FRAS1: variants seen among roughly 807,000 people sequenced by gnomAD.
FRAS1 encodes Fraser extracellular matrix complex subunit 1.
A neutral mutation model predicts 435.2 loss-of-function variants in FRAS1; 290 were observed. The ratio of observed to expected loss-of-function variants is 0.67; its 90% confidence interval spans 0.61 to 0.73. The LOEUF (loss-of-function observed/expected upper bound fraction) is 0.73, where lower values mean the gene tolerates loss of function less well. Ranked by LOEUF, FRAS1 falls within the 30% of genes least tolerant of loss-of-function variation. FRAS1 has a pLI of 0.00. For missense variants in FRAS1, 4,860 were observed against 5,001.5 expected, an observed-to-expected ratio of 0.97 and a Z score of 0.85; for synonymous variants, 1,800 against 1,851.0, an observed-to-expected ratio of 0.97 and a Z score of 0.71.
intron 18 of FRAS1, among the ~76,000 whole-genome samples, chr4:78,332,753 C>G (rs1578257982): frequency 1.3e-5 from 2 of 152,206 alleles, no homozygotes; most frequent in South Asian, 2.1e-4. Flanking sequence ...GCTTGGGTGT[C>G]TGTTGTAGCA....
At chr4:78,504,536 T>C (rs1720774602) in intron 61 of FRAS1, among the ~76,000 whole-genome samples, 12 of 152,218 alleles carry the variant, frequency 7.9e-5, no homozygotes, top group Admixed American at 7.2e-4. Context: ...AGACTAGGAT[T>C]GCAACCCCTG....
At chr4:78,260,686 A>G (rs200925363) in intron 6 of FRAS1, among the ~76,000 whole-genome samples, 2 of 151,826 alleles carry the variant, frequency 1.3e-5, no homozygotes, top group African/African-American at 2.4e-5. Flanking sequence ...CTAACTGAAT[A>G]CCCTTTATTT....
intron 2 of FRAS1, among the ~76,000 whole-genome samples, chr4:78,196,284 G>A (rs760354587): frequency 6.6e-6 from 1 of 152,156 alleles, no homozygotes; most frequent in African/African-American, 2.4e-5. Flanking sequence ...TGGGGTTACA[G>A]GTGTGATCCA....
intron 2 of FRAS1, among the ~76,000 whole-genome samples, chr4:78,155,515 G>T (rs937395405): frequency 6.6e-6 from 1 of 152,150 alleles, no homozygotes; most frequent in African/African-American, 2.4e-5. Flanking sequence ...TTATTTTTTA[G>T]AACTATTATT....
At chr4:78,098,133 T>C (rs1477357708) in intron 2 of FRAS1, among the ~76,000 whole-genome samples, 1 of 152,228 alleles carries the variant, frequency 6.6e-6, no homozygotes, top group Admixed American at 6.5e-5. Flanking sequence ...GCTGGCTTTA[T>C]GTTAAAAATG....
chr4:78,296,946 T>C (rs1350709811), intron 14 of FRAS1, among the ~76,000 whole-genome samples: 1 of 152,184 alleles, frequency 6.6e-6, no homozygotes, highest in Non-Finnish European at 1.5e-5. Flanking sequence ...TTATTTCCAC[T>C]TTACAAATTA....
intron 26 of FRAS1, chr4:78,379,142 T>C (rs1331171027): frequency 6.5e-6 from 1 of 152,714 alleles, no homozygotes; most frequent in Non-Finnish European, 1.5e-5. Flanking sequence ...TAAGAAAAGG[T>C]TGGCACACGG....
chr4:78,392,767 C>T (rs978524375), intron 29 of FRAS1, among the ~76,000 whole-genome samples: 8 of 151,576 alleles, frequency 5.3e-5, no homozygotes, highest in African/African-American at 1.7e-4. Flanking sequence ...ATTTCTTGAA[C>T]TGGCAGGGAT....
At position 78,537,122 on chromosome 4, in the gene FRAS1, G is replaced by T. The variant is rs182887871; in HGVS notation, c.11220G>T (p.Thr3740=). 3.1e-6 allele frequency: 5 copies of T among 1,613,822 alleles called. No individual in the cohort carries two copies. The highest frequency in any genetic ancestry group is 1.7e-5 in the Admixed American group (1 of 59,998). ...GTTATGTGCCTTTCTTTGATCCCAC[G>T]GGGACAATCTACAATGAAGGGCCCC... ...KDGYVPFFDP[T]GTIYNEGPQY... Residue 3740 remains threonine, a synonymous_variant, in exon 72 of 74, where the codon ACG becomes ACT. Transcript: ENST00000512123.
rs1324373633 is a variant in FRAS1 at position 78,448,053 on chromosome 4, G to C, written c.6011G>C (p.Gly2004Ala). The C allele has an allele frequency of 6.2e-7, 1 of 1,605,384 alleles. No homozygotes were observed. Among genetic ancestry groups the C allele is most frequent in the East Asian group, 2.2e-5 (1 of 44,790 alleles). The change falls in exon 44 of 74, where the codon GGT becomes GCT. Residue 2004 changes from glycine (G) to alanine (A), a missense_variant and splice_region_variant. By Grantham distance (60) the Gly-to-Ala change is moderately conservative (BLOSUM62 0). Coordinates refer to ENST00000512123, the MANE Select transcript of FRAS1 (RefSeq NM_025074.7). ...TGCTTTTCTTTACCTCTTCCCTCAGGTCATGTACTCTGGAGGCAAACTGCT... is the reference window on the plus strand; with the variant it reads ...TGCTTTTCTTTACCTCTTCCCTCAGCTCATGTACTCTGGAGGCAAACTGCT... Reference protein sequence around the residue: ...IFVLTKKPDHGHVLWRQTASE... With the variant: ...IFVLTKKPDHAHVLWRQTASE...
In FRAS1 at chr4:78,261,564, T is replaced by C. The variant is rs200508118; in HGVS notation, c.604-3461T>C. ...GAAGCTTAGGAAGCATTTTCAGATC[T>C]TTCCCTAAAGCAGGTTTTAAGACTC... On this transcript the variant is annotated intron_variant, in intron 6 of 73. Transcript: ENST00000512123. 3.3e-5 allele frequency among the ~76,000 whole-genome samples: 5 copies of C among 152,288 alleles called. No homozygotes were observed. The East Asian group carries it at 9.6e-4, about 29-fold the overall frequency.
intron 2 of FRAS1, among the ~76,000 whole-genome samples, chr4:78,104,199 G>A (rs1313890895): frequency 1.3e-5 from 2 of 152,200 alleles, no homozygotes; most frequent in African/African-American, 4.8e-5. Flanking sequence ...AAATAAATCT[G>A]AACAGGAACT....
intron 2 of FRAS1, among the ~76,000 whole-genome samples, chr4:78,128,617 T>G (rs946883466): frequency 5.3e-5 from 8 of 152,214 alleles, no homozygotes; most frequent in African/African-American, 1.4e-4. Context: ...TTTTTTCTTG[T>G]AAATTTGTTT....
chr4:78,332,177 A>G (rs79987161), intron 18 of FRAS1, among the ~76,000 whole-genome samples: 3,687 of 152,220 alleles, frequency 0.024, 171 homozygotes, highest in African/African-American at 0.084. Flanking sequence ...GTGTAAGCGT[A>G]TGATAAGGGA....
chr4:78,168,032 A>G (rs1721404424), intron 2 of FRAS1, among the ~76,000 whole-genome samples: 1 of 151,638 alleles, frequency 6.6e-6, no homozygotes, highest in Admixed American at 6.6e-5. Context: ...TTTCTTCTGT[A>G]TTCAATAAAG....
intron 56 of FRAS1, among the ~76,000 whole-genome samples, chr4:78,480,741 A>C (rs1013791004): frequency 6.6e-6 from 1 of 152,192 alleles, no homozygotes; most frequent in African/African-American, 2.4e-5. Context: ...AGTCTTATGT[A>C]TGCTGCAGGC....
chr4:78,252,294 C>A, intron 4 of FRAS1, 98 bp from the exon 5 acceptor site: 1 of 1,223,758 alleles, frequency 8.2e-7, no homozygotes, highest in Non-Finnish European at 1.2e-6. Context: ...TGAGCTCCAT[C>A]CTTAATTTGG....
At chr4:78,248,034 C>G (rs1725330850) in intron 4 of FRAS1, among the ~76,000 whole-genome samples, 1 of 152,182 alleles carries the variant, frequency 6.6e-6, no homozygotes, top group South Asian at 2.1e-4. Context: ...ACAGCGGAGC[C>G]TTGGGGGAGG....
At chr4:78,377,648 CT>C (rs2110316317) in intron 26 of FRAS1, among the ~76,000 whole-genome samples, 1 of 152,298 alleles carries the variant, frequency 6.6e-6, no homozygotes. Flanking sequence ...GTATGAGCCC[CT>C]GATAATCCTA....
Sources: gnomAD v4.1 joint callset for allele counts (sites outside exome capture counted in the v4.1 genomes callset) on GRCh38, gnomAD v4.1.1 for gene constraint, MANE v1.5 for transcripts, NCBI Gene and HGNC (gene_info 2026-07-23, HGNC 2026-07-21) for gene names.